KDSR: variants seen among roughly 807,000 people sequenced by gnomAD.
The protein encoded by KDSR is 3-dehydrosphinganine reductase.
KDSR carries 23 observed loss-of-function variants against 41.3 expected under a neutral mutation model. The ratio of observed to expected loss-of-function variants is 0.56; its 90% CI spans 0.40 to 0.79. The LOEUF is 0.79. Ranked by LOEUF, KDSR falls within the 30% of genes least tolerant of loss-of-function variation. The probability of loss-of-function intolerance (pLI) is 0.00; values close to 1 mark genes in which losing one functional copy is unlikely to be tolerated. For synonymous variants in KDSR, 138 were observed against 151.7 expected (o/e 0.91, Z 0.66); for missense variants, 351 against 416.8 (o/e 0.84, Z 1.37).
At position 63,331,674 on chromosome 18, in the gene KDSR, C is replaced by CCAGTAT. The variant is rs918497478; in HGVS notation, c.*107_*108insATACTG. 3.1e-5 allele frequency: 32 copies of CCAGTAT among 1,035,270 alleles called. No individual in the cohort carries two copies. The African/African-American group carries it at 4.7e-4, about 15-fold the overall frequency. 64.1% of individuals were successfully genotyped at this position (1,035,270 alleles called of 1,614,324 possible). A position where few individuals can be genotyped will look rare whatever the true frequency, so the allele number is the denominator to read the frequency against. ...CCTGAAGAGCACTGGTCCAATCTGACGTATTCGAAAACAATACATAAGTGT... is the reference window on the plus strand; with the variant it reads ...CCTGAAGAGCACTGGTCCAATCTGACCAGTATGTATTCGAAAACAATACATAAGTGT... On this transcript the variant is annotated 3_prime_UTR_variant, in exon 10 of 10. Transcript: ENST00000645214.
chr18:63,364,104 T>C (rs1915067673), intron 1 of KDSR, among the ~76,000 whole-genome samples: 2 of 152,188 alleles, frequency 1.3e-5, no homozygotes, highest in African/African-American at 4.8e-5. Context: ...CTACTTCCCT[T>C]GCAACGAATG....
intron 6 of KDSR, among the ~76,000 whole-genome samples, chr18:63,347,495 C>CAAAAAAAAAAAAAAAAAAAAAAAAAAA: frequency 1.8e-5 from 1 of 56,984 alleles, no homozygotes; most frequent in Non-Finnish European, 2.9e-5. Context: ...GACTCCATCT[C>CAAAAAAAAAAAAAAAAAAAAAAAAAAA]AAAAAAAAAA....
chr18:63,349,525 C>T (rs888658971), intron 6 of KDSR, among the ~76,000 whole-genome samples: 2 of 152,222 alleles, frequency 1.3e-5, no homozygotes, highest in Admixed American at 6.5e-5. Flanking sequence ...CATATTATCA[C>T]GATATATTAT....
Position 63,360,998 on chromosome 18 carries a change from A to AATATATATATATATATAATATATATATAT in KDSR, c.199-1207_199-1206insATATATATATATTATATATATATATATAT, listed in dbSNP as rs1331671716. On this transcript the variant is annotated intron_variant, in intron 2 of 9. Transcript: ENST00000645214. ...AGTAAAACCCTGTCTCTACTAAAAA[A>AATATATATATATATATAATATATATATAT]AAAATATATATATATATAAAATATA... Among the ~76,000 whole-genome samples, 175 of 29,676 alleles carry AATATATATATATATATAATATATATATAT rather than the reference A, an allele frequency of 5.9e-3. 4 individuals are homozygous for AATATATATATATATATAATATATATATAT. The highest frequency in any genetic ancestry group is 0.019 in the African/African-American group (136 of 7,198). The allele number at this position is 29,676 out of a possible 152,430, so 19.5% of individuals were successfully genotyped here. A position where few individuals can be genotyped will look rare whatever the true frequency, so the allele number is the denominator to read the frequency against.
chr18:63,360,113 A>G (rs1046563305), intron 2 of KDSR, among the ~76,000 whole-genome samples: 1 of 152,252 alleles, frequency 6.6e-6, no homozygotes, highest in Non-Finnish European at 1.5e-5. Context: ...ATGTCTTATT[A>G]TTTAGTTGTG....
chr18:63,352,226 A>G (rs1348189717), intron 5 of KDSR, among the ~76,000 whole-genome samples: 5 of 152,238 alleles, frequency 3.3e-5, no homozygotes, highest in Non-Finnish European at 7.3e-5. Flanking sequence ...CTTGAGATCA[A>G]TCATAATTTT....
chr18:63,338,832 G>A lies in KDSR; in HGVS notation c.745C>T (p.Gln249Ter). The part of the protein sequence containing the change: ...SETTSVCKPE[Q>*]VAKQIVKDAI... ...TCTTTAACAATTTGTTTGGCCACCTGTTCTGGTTTGCACACAGATGTGGTC... is the reference window on the plus strand; with the variant it reads ...TCTTTAACAATTTGTTTGGCCACCTATTCTGGTTTGCACACAGATGTGGTC... The change falls in exon 8 of 10, where the codon CAG becomes TAG. Residue 249 changes from glutamine (Q) to a stop codon, truncating the protein, a stop_gained. Transcript: ENST00000645214. LOFTEE classifies it high-confidence loss of function. 1 of 1,609,698 alleles carries A rather than the reference G, an allele frequency of 6.2e-7. No individual in the cohort carries two copies. Among genetic ancestry groups the A allele is most frequent in the South Asian group, 1.1e-5 (1 of 89,878 alleles).
At chr18:63,355,470 G>A (rs1914769602) in intron 4 of KDSR, 28 bp downstream of exon 4, 6 of 1,613,452 alleles carry the variant, frequency 3.7e-6, no homozygotes, top group Admixed American at 1.7e-5. Context: ...AAGCACATTG[G>A]TGAATTCCAA....
chr18:63,355,440 G>C lies in KDSR; in HGVS notation c.321+58C>G, dbSNP rs1914768973. 23 of 1,612,164 alleles carry C rather than the reference G, an allele frequency of 1.4e-5. 1 individual carries two copies. In the South Asian group the frequency reaches 2.2e-4, roughly 15 times the overall value. On this transcript the variant is annotated intron_variant, in intron 4 of 9. Coordinates refer to ENST00000645214, the MANE Select transcript of KDSR (RefSeq NM_002035.4). ...CCATTCCAAGCCACATAGCAAAATG[G>C]CAAGAACAAATCAAAAGTCAAGCAC...
chr18:63,357,973 C>T (rs964238986), intron 3 of KDSR, among the ~76,000 whole-genome samples: 3 of 151,886 alleles, frequency 2.0e-5, no homozygotes, highest in Non-Finnish European at 4.4e-5. Flanking sequence ...GTTGGGAGTT[C>T]GAGACCAGCC....
chr18:63,355,438 T>C (rs1914768890), intron 4 of KDSR, 60 bp downstream of exon 4: 2 of 1,611,880 alleles, frequency 1.2e-6, no homozygotes, highest in East Asian at 2.2e-5. Flanking sequence ...CATAGCAAAA[T>C]GGCAAGAACA....
intron 1 of KDSR, among the ~76,000 whole-genome samples, chr18:63,364,915 T>TAG (rs1201701710): frequency 6.6e-6 from 1 of 152,224 alleles, no homozygotes; most frequent in Non-Finnish European, 1.5e-5. Flanking sequence ...ACCAGACATT[T>TAG]AGATTTTTCC....
At chr18:63,337,113 A>AATATATATATATATATATATGTGAAT (rs1914192669) in intron 8 of KDSR, among the ~76,000 whole-genome samples, 20 of 127,774 alleles carry the variant, frequency 1.6e-4, no homozygotes, top group Non-Finnish European at 2.9e-4. Flanking sequence ...TATATATGTG[A>AATATATATATATATATATATGTGAAT]ATATATATAT....
At chr18:63,346,611 C>T (rs1268699202) in intron 6 of KDSR, 1 of 152,168 alleles carries the variant, frequency 6.6e-6, no homozygotes, top group Non-Finnish European at 1.5e-5. Flanking sequence ...ACAGCTTCCT[C>T]ATGAGGAAGG....
At chr18:63,352,090 C>G (rs763929138) in intron 5 of KDSR, among the ~76,000 whole-genome samples, 2 of 152,022 alleles carry the variant, frequency 1.3e-5, no homozygotes, top group Non-Finnish European at 2.9e-5. Context: ...AGCCTGAGCT[C>G]TTAAAAACCT....
chr18:63,355,711 G>A (rs1914776102), intron 3 of KDSR, 148 bp from the exon 4 acceptor site: 2 of 1,219,642 alleles, frequency 1.6e-6, no homozygotes, highest in Admixed American at 3.6e-5. Flanking sequence ...GATGCAATTA[G>A]CAGAATCTAA....
intron 9 of KDSR, among the ~76,000 whole-genome samples, chr18:63,332,816 A>C (rs1391452630): frequency 7.8e-5 from 11 of 141,544 alleles, no homozygotes; most frequent in Middle Eastern, 7.2e-3. Flanking sequence ...TGGGTGACAG[A>C]GCAAGACTCC....
At chr18:63,345,454 G>A (rs1356317577) in intron 6 of KDSR, 1 of 152,234 alleles carries the variant, frequency 6.6e-6, no homozygotes, top group Non-Finnish European at 1.5e-5. Context: ...GCAACTCTAA[G>A]AGCAATGGTT....
At chr18:63,333,544 G>C (rs1380115569) in intron 9 of KDSR, among the ~76,000 whole-genome samples, 1 of 152,138 alleles carries the variant, frequency 6.6e-6, no homozygotes, top group South Asian at 2.1e-4. Context: ...AGACCATAGT[G>C]GTTGCAGGGA....
Sources: allele counts gnomAD v4.1 joint callset (sites outside exome capture counted in the v4.1 genomes callset), GRCh38; gene constraint gnomAD v4.1.1; transcripts MANE v1.5; gene names NCBI Gene and HGNC (gene_info 2026-07-23, HGNC 2026-07-21).